APOO: variants seen among roughly 807,000 people sequenced by gnomAD.
APOO encodes MICOS complex subunit MIC26.
Under a neutral mutation model 23.1 loss-of-function variants are expected in APOO, and 11 were observed. The observed-to-expected ratio is 0.48, with a 90% CI of 0.30 to 0.79. The LOEUF is 0.79. APOO is among the 30% of genes least tolerant of loss of function. APOO has a pLI of 0.07. For synonymous variants in APOO, 59 were observed against 54.8 expected, an observed-to-expected ratio of 1.08 and a Z score of -0.34; for missense variants, 160 against 142.7, an observed-to-expected ratio of 1.12 and a Z score of -0.62.
At chrX:23,852,009 C>T (rs1420638961) in intron 7 of APOO, among the ~76,000 whole-genome samples, 2 of 111,620 alleles carry the variant, frequency 1.8e-5, no homozygotes, top group East Asian at 2.9e-4. Context: ...CTGTAACCTC[C>T]GCCTCTCAGG....
intron 1 of APOO, among the ~76,000 whole-genome samples, chrX:23,884,324 C>T (rs1412971226): frequency 1.8e-5 from 2 of 110,373 alleles, no homozygotes; most frequent in Non-Finnish European, 3.8e-5. Context: ...AAAGATTGCA[C>T]AGGAGAGGAG....
chrX:23,882,803 T>C (rs989804919), intron 1 of APOO, among the ~76,000 whole-genome samples: 5 of 110,863 alleles, frequency 4.5e-5, no homozygotes, highest in African/African-American at 1.6e-4. Context: ...TGCACCACCA[T>C]GTCCAGCTCA....
intron 1 of APOO, among the ~76,000 whole-genome samples, chrX:23,901,295 C>T (rs1178635042): frequency 2.7e-5 from 3 of 111,821 alleles, no homozygotes; most frequent in African/African-American, 9.8e-5. Context: ...CCTTCTTGCC[C>T]TGGAGGCTTC....
intron 5 of APOO, among the ~76,000 whole-genome samples, chrX:23,867,295 G>A (rs1318310453): frequency 1.8e-5 from 2 of 111,136 alleles, no homozygotes; most frequent in Admixed American, 9.6e-5. Context: ...TGGGTCATGG[G>A]GGTGGATCCC....
intron 8 of APOO, among the ~76,000 whole-genome samples, chrX:23,839,553 C>CA (rs1375278381): frequency 1.8e-5 from 2 of 111,424 alleles, no homozygotes; most frequent in East Asian, 5.6e-4. Context: ...CACCAATTTT[C>CA]AAAAAATTTT....
intron 1 of APOO, among the ~76,000 whole-genome samples, chrX:23,890,724 G>A (rs1006515431): frequency 1.8e-5 from 2 of 111,824 alleles, no homozygotes; most frequent in Non-Finnish European, 3.8e-5. Flanking sequence ...GAAGTGTTCT[G>A]AGTACATTTA....
chrX:23,901,236 T>C (rs1331884898), intron 1 of APOO, among the ~76,000 whole-genome samples: 1 of 111,995 alleles, frequency 8.9e-6, no homozygotes, highest in Non-Finnish European at 1.9e-5. Flanking sequence ...CAGGTCATGT[T>C]ATTTGCCCTT....
chrX:23,885,731 C>T (rs1926342742), intron 1 of APOO, among the ~76,000 whole-genome samples: 1 of 110,798 alleles, frequency 9.0e-6, no homozygotes, highest in Non-Finnish European at 1.9e-5. Context: ...TCCTCTTCTC[C>T]TATTAGTTTT....
At chrX:23,864,525 C>T (rs1310954491) in intron 5 of APOO, among the ~76,000 whole-genome samples, 1 of 111,550 alleles carries the variant, frequency 9.0e-6, no homozygotes, top group Non-Finnish European at 1.9e-5. Flanking sequence ...TAGTCTTGAA[C>T]TCCTGACCTC....
chrX:23,868,455 T>C (rs1925440481), intron 5 of APOO, 138 bp downstream of exon 5: 1 of 415,277 alleles, frequency 2.4e-6, no homozygotes, highest in African/African-American at 2.5e-5. Flanking sequence ...ATGATAACCA[T>C]ATCCATTATA....
chrX:23,887,684 A>G (rs1218905374), intron 1 of APOO, among the ~76,000 whole-genome samples: 2 of 111,695 alleles, frequency 1.8e-5, no homozygotes, highest in Admixed American at 1.9e-4. Flanking sequence ...GAAAATGAGT[A>G]CATATGCACC....
chrX:23,896,598 A>G (rs988774387), intron 1 of APOO, among the ~76,000 whole-genome samples: 4 of 111,689 alleles, frequency 3.6e-5, no homozygotes, highest in African/African-American at 1.3e-4. Context: ...TACTTTAACA[A>G]TAACAATAAA....
At chrX:23,860,071 G>A (rs915749743) in intron 5 of APOO, among the ~76,000 whole-genome samples, 1 of 111,452 alleles carries the variant, frequency 9.0e-6, no homozygotes, top group Non-Finnish European at 1.9e-5. Context: ...CAGAAAGGAA[G>A]TGTCAATCAA....
intron 3 of APOO, among the ~76,000 whole-genome samples, chrX:23,875,790 G>T (rs1925820571): frequency 9.0e-6 from 1 of 110,785 alleles, no homozygotes; most frequent in African/African-American, 3.3e-5. Flanking sequence ...TAAATGACCT[G>T]AAATAATAAA....
chrX:23,893,202 G>A (rs1443863715), intron 1 of APOO, among the ~76,000 whole-genome samples: 1 of 108,060 alleles, frequency 9.3e-6, no homozygotes, highest in Non-Finnish European at 1.9e-5. Context: ...CAGATCACGA[G>A]GTCAGGAGAT....
At chrX:23,897,138 T>A (rs1004800783) in intron 1 of APOO, among the ~76,000 whole-genome samples, 18 of 111,993 alleles carry the variant, frequency 1.6e-4, no homozygotes, top group African/African-American at 5.8e-4. Context: ...AAGACTAATA[T>A]TATCTTTTTC....
At chrX:23,844,659 C>G (rs755970116) in intron 7 of APOO, among the ~76,000 whole-genome samples, 7 of 111,590 alleles carry the variant, frequency 6.3e-5, no homozygotes, top group East Asian at 2.8e-4. Flanking sequence ...GAAATTCCCC[C>G]CTAGGGCCTC....
At chrX:23,905,406 T>C (rs1311255145) in intron 1 of APOO, among the ~76,000 whole-genome samples, 1 of 109,100 alleles carries the variant, frequency 9.2e-6, no homozygotes, top group African/African-American at 3.3e-5. Flanking sequence ...ATAATAATGA[T>C]AACAATAATA....
At chrX:23,868,726 T>G in intron 4 of APOO, 38 bp from the exon 5 acceptor site, 1 of 1,116,446 alleles carries the variant, frequency 9.0e-7, no homozygotes, top group Non-Finnish European at 1.2e-6. Context: ...TTCCATAAAT[T>G]TCTCATTAAA....
Sources: gnomAD v4.1 joint callset for allele counts (sites outside exome capture counted in the v4.1 genomes callset) on GRCh38, gnomAD v4.1.1 for gene constraint, MANE v1.5 for transcripts, NCBI Gene and HGNC (gene_info 2026-07-23, HGNC 2026-07-21) for gene names.